RBM19: variants seen among roughly 807,000 people sequenced by gnomAD.
RBM19 encodes the protein probable RNA-binding protein 19.
RBM19 carries 94 observed loss-of-function variants against 116.8 expected under a neutral mutation model. The ratio of observed to expected loss-of-function variants is 0.80; its 90% CI spans 0.68 to 0.95. RBM19 has a LOEUF of 0.95. Ranked by LOEUF, RBM19 falls within the 40% of genes least tolerant of loss-of-function variation. The pLI, the probability that RBM19 is intolerant of heterozygous loss-of-function variation, is 0.00. For synonymous variants in RBM19, 475 were observed against 494.1 expected (o/e 0.96, Z 0.51); for missense variants, 1,161 against 1,220.7 (o/e 0.95, Z 0.73).
downstream of RBM19, among the ~76,000 whole-genome samples, chr12:113,821,872 G>T (rs565797690): frequency 2.2e-4 from 33 of 152,290 alleles, no homozygotes; most frequent in African/African-American, 7.7e-4. Context: ...ATGCTTGGTC[G>T]TGCAGGCTGC....
In RBM19 at chr12:113,837,029, A is replaced by G. The variant is rs896343933; in HGVS notation, c.2785+7639T>C. ...CACACACACACACACACACACACACACACGTCCCAAGCAATGCTTATGTGT... is the reference window on the plus strand; with the variant it reads ...CACACACACACACACACACACACACGCACGTCCCAAGCAATGCTTATGTGT... On this transcript the variant is annotated intron_variant, in intron 23 of 23. Coordinates refer to ENST00000261741, the MANE Select transcript of RBM19 (RefSeq NM_016196.4). Among the ~76,000 whole-genome samples, 3 of 124,820 alleles carry G rather than the reference A, an allele frequency of 2.4e-5. No homozygotes were observed. In the Admixed American group the frequency reaches 2.7e-4, roughly 11 times the overall value. 81.9% of individuals were successfully genotyped at this position (124,820 alleles called of 152,430 possible). A position where few individuals can be genotyped will look rare whatever the true frequency, so the allele number is the denominator to read the frequency against.
rs762089665 is a variant in RBM19 at position 113,937,076 on chromosome 12, G to A, written c.1999C>T (p.Pro667Ser). Residue 667 changes from proline to serine, a missense_variant, in exon 16 of 24, where the codon CCA (proline) becomes TCA (serine). Coordinates refer to ENST00000261741, the MANE Select transcript of RBM19 (RefSeq NM_016196.4). ...GTGTCTTGGAGCTTTTTCTTCTGTG[G>A]GGCTGTGCTGGAGAAGACGCCAACT... is the stretch of plus-strand genomic sequence containing the variant. ...APVGVFSSTAPQKKKLQDTPS... is the reference protein window; with the variant it reads ...APVGVFSSTASQKKKLQDTPS... 1 of 1,614,072 alleles carries A rather than the reference G, an allele frequency of 6.2e-7. No homozygotes were observed. The highest frequency in any genetic ancestry group is 1.1e-5 in the South Asian group (1 of 91,074).
intron 21 of RBM19, among the ~76,000 whole-genome samples, chr12:113,881,735 C>T (rs1485473841): frequency 2.6e-5 from 4 of 152,240 alleles, no homozygotes; most frequent in African/African-American, 4.8e-5. Flanking sequence ...GTGTGAACAA[C>T]TGTCCTGGCT....
chr12:113,922,860 G>A (rs796175131), intron 18 of RBM19, among the ~76,000 whole-genome samples: 1 of 152,300 alleles, frequency 6.6e-6, no homozygotes, highest in African/African-American at 2.4e-5. Flanking sequence ...CAGGCCAGGC[G>A]CGGAAGCTCA....
At chr12:113,879,005 C>A (rs1166333144) in intron 21 of RBM19, among the ~76,000 whole-genome samples, 1 of 152,088 alleles carries the variant, frequency 6.6e-6, no homozygotes, top group East Asian at 1.9e-4. Flanking sequence ...AGAACTAGAC[C>A]GTGTGTCCCA....
In RBM19 at chr12:113,904,959, T is replaced by C. The variant is rs148679397; in HGVS notation, c.2558+10010A>G. Among the ~76,000 whole-genome samples, 100 of 152,302 alleles carry C rather than the reference T, an allele frequency of 6.6e-4. No individual in the cohort carries two copies. In the Middle Eastern group the frequency reaches 0.014, roughly 21 times the overall value. On this transcript the variant is annotated intron_variant, in intron 21 of 23. Coordinates refer to ENST00000261741, the MANE Select transcript of RBM19 (RefSeq NM_016196.4). ...TCCTCACCAAAGCCACCATCAAACA[T>C]ATTCCCAAACTGACCTGGCATCCCA... is the stretch of plus-strand genomic sequence containing the variant.
intron 8 of RBM19, among the ~76,000 whole-genome samples, chr12:113,952,240 A>C (rs1871533264): frequency 6.6e-6 from 1 of 152,228 alleles, no homozygotes; most frequent in Admixed American, 6.5e-5. Context: ...TTTCAGCGTA[A>C]TAGGTGAGCC....
chr12:113,875,211 A>C (rs3782447), intron 21 of RBM19, among the ~76,000 whole-genome samples: 67,501 of 152,102 alleles, frequency 0.44, 15,772 homozygotes, highest in East Asian at 0.84. Context: ...AGGAGAACGA[A>C]TCACCCTGCT....
downstream of RBM19, among the ~76,000 whole-genome samples, chr12:113,819,212 GCTAA>G (rs1167094915): frequency 6.6e-6 from 1 of 152,182 alleles, no homozygotes; most frequent in Non-Finnish European, 1.5e-5. Context: ...GTTCCTCCCA[GCTAA>G]CTGAGCCACA....
intron 20 of RBM19, among the ~76,000 whole-genome samples, chr12:113,916,553 C>T (rs945824163): frequency 8.5e-5 from 13 of 152,172 alleles, no homozygotes; most frequent in Non-Finnish European, 1.9e-4. Flanking sequence ...GTCTGGGTGA[C>T]AAGCAGCATA....
At chr12:113,823,432 A>T in intron 23 of RBM19, 111 bp from the exon 24 acceptor site, 1 of 869,326 alleles carries the variant, frequency 1.2e-6, no homozygotes, top group Non-Finnish European at 1.8e-6. Flanking sequence ...GAGCAGAACA[A>T]GGGTGCGGGG....
intron 10 of RBM19, among the ~76,000 whole-genome samples, 179 bp downstream of exon 10, chr12:113,948,651 TTCA>T (rs1871233188): frequency 2.0e-5 from 3 of 152,342 alleles, no homozygotes; most frequent in Middle Eastern, 3.4e-3. Context: ...AATCCCTGCA[TTCA>T]TCATGTCACT....
At chr12:113,920,127 T>A (rs1400128240) in intron 19 of RBM19, among the ~76,000 whole-genome samples, 2 of 152,078 alleles carry the variant, frequency 1.3e-5, no homozygotes, top group Admixed American at 6.5e-5. Flanking sequence ...CCTCCCCAAC[T>A]ACCTCCCTCC....
At chr12:113,876,567 G>T (rs1879683648) in intron 21 of RBM19, among the ~76,000 whole-genome samples, 1 of 151,962 alleles carries the variant, frequency 6.6e-6, no homozygotes, top group African/African-American at 2.4e-5. Flanking sequence ...GAGGTGGGAG[G>T]ATCATTTGAG....
chr12:113,878,321 C>G (rs1879816599), intron 21 of RBM19, among the ~76,000 whole-genome samples: 1 of 152,132 alleles, frequency 6.6e-6, no homozygotes, highest in African/African-American at 2.4e-5. Context: ...TAATCAGGTA[C>G]TTACAGGGGG....
intron 16 of RBM19, among the ~76,000 whole-genome samples, chr12:113,928,374 CAAA>C (rs1237330699): frequency 8.8e-5 from 13 of 148,386 alleles, no homozygotes; most frequent in African/African-American, 3.2e-4. Context: ...ACAACAACAA[CAAA>C]ACCATGATCT....
Position 113,948,922 on chromosome 12 carries a change from T to A in RBM19, c.1187A>T (p.Glu396Val). 1 of 1,614,212 alleles carries A rather than the reference T, an allele frequency of 6.2e-7. No homozygotes were observed. The highest frequency in any genetic ancestry group is 8.5e-7 in the Non-Finnish European group (1 of 1,180,038). The change falls in exon 10 of 24, where the codon GAG (glutamate) becomes GTG (valine). Residue 396 changes from glutamate (E) to valine (V), a missense_variant. Glu to Val is a moderately radical substitution (Grantham distance 121). Transcript: ENST00000261741. Reference protein sequence around the residue: ...GRILGENEEEEDLAESGRLFV... With the variant: ...GRILGENEEEVDLAESGRLFV... ...GAGCCTTCCGGATTCGGCCAGGTCC[T>A]CCTCCTCTTCGTTCTCCCCGAGTAT...
intron 21 of RBM19, among the ~76,000 whole-genome samples, chr12:113,910,801 T>G (rs924555753): frequency 3.3e-5 from 5 of 150,298 alleles, no homozygotes; most frequent in Non-Finnish European, 4.4e-5. Flanking sequence ...ACTTCCAGCT[T>G]TTGAAATGGG....
rs756317837 is a variant in RBM19, at chr12:113,942,374, C to A, written c.1687G>T (p.Val563Leu). The change falls in exon 14 of 24, where the codon GTG becomes TTG. Residue 563 changes from valine to leucine, a missense_variant. Val to Leu is a conservative substitution (Grantham distance 32, BLOSUM62 1). Transcript: ENST00000261741. The part of the protein sequence containing the change: ...ALGETQLVQE[V>L]RRFLIDNGVS... Reference sequence around the variant, plus strand: ...CCGTTGTCTATGAGAAAACGCCGCACTTCCTGGACGAGCTGGGTTTCCCCC... The same window carrying A: ...CCGTTGTCTATGAGAAAACGCCGCAATTCCTGGACGAGCTGGGTTTCCCCC... The A allele has an allele frequency of 6.2e-7, 1 of 1,609,668 alleles. No individual in the cohort carries two copies. The highest frequency in any genetic ancestry group is 1.1e-5 in the South Asian group (1 of 91,058).
Sources: allele counts gnomAD v4.1 joint callset (sites outside exome capture counted in the v4.1 genomes callset), GRCh38; gene constraint gnomAD v4.1.1; transcripts MANE v1.5; gene names NCBI Gene and HGNC (gene_info 2026-07-23, HGNC 2026-07-21).